REG4: variants seen among roughly 807,000 people sequenced by gnomAD.
The protein encoded by REG4 is regenerating islet-derived protein 4.
A neutral mutation model predicts 22.3 loss-of-function variants in REG4; 16 were observed. The observed-to-expected ratio is 0.72, with a 90% confidence interval of 0.49 to 1.09. REG4 has a LOEUF of 1.09. REG4 is among the 50% of genes least tolerant of loss of function. The probability of loss-of-function intolerance (pLI) is 0.00; values close to 1 mark genes in which losing one functional copy is unlikely to be tolerated. For missense variants in REG4, 214 were observed against 193.9 expected, an observed-to-expected ratio of 1.10 and a Z score of -0.61; for synonymous variants, 71 against 69.2, an observed-to-expected ratio of 1.03 and a Z score of -0.13.
At chr1:119,810,702 G>C (rs1258832769) in intron 1 of REG4, among the ~76,000 whole-genome samples, 1 of 152,168 alleles carries the variant, frequency 6.6e-6, no homozygotes, top group South Asian at 2.1e-4. Flanking sequence ...TTACTAATCT[G>C]TGAATAATTT....
intron 2 of REG4, among the ~76,000 whole-genome samples, chr1:119,807,091 G>A (rs952851435): frequency 2.0e-5 from 3 of 152,194 alleles, no homozygotes; most frequent in Admixed American, 6.5e-5. Flanking sequence ...CATAAATGAT[G>A]TTGCTCTATG....
chr1:119,807,218 G>C (rs1654348179), intron 2 of REG4, among the ~76,000 whole-genome samples: 1 of 152,220 alleles, frequency 6.6e-6, no homozygotes, highest in African/African-American at 2.4e-5. Flanking sequence ...GTCTCATTGA[G>C]AGAGAAAATT....
chr1:119,796,640 A>G (rs1653945705), intron 5 of REG4, among the ~76,000 whole-genome samples: 1 of 152,118 alleles, frequency 6.6e-6, no homozygotes. Context: ...TTTAAATTCT[A>G]CCTTCCACCA....
intron 5 of REG4, among the ~76,000 whole-genome samples, chr1:119,795,464 A>T (rs2101064901): frequency 6.6e-6 from 1 of 152,342 alleles, no homozygotes; most frequent in South Asian, 2.1e-4. Context: ...AGAGAGCCCA[A>T]GGCGGAGGTG....
intron 5 of REG4, among the ~76,000 whole-genome samples, chr1:119,795,002 T>C (rs1487244241): frequency 6.6e-6 from 1 of 152,154 alleles, no homozygotes; most frequent in East Asian, 1.9e-4. Context: ...CTCCAGACCG[T>C]CTTTGGACTC....
rs1653869107 is a variant in REG4, at chr1:119,794,451, C to G, written c.*167G>C. 3 of 691,478 alleles carry G rather than the reference C, an allele frequency of 4.3e-6. No homozygotes were observed. Among genetic ancestry groups the G allele is most frequent in the Non-Finnish European group, 5.2e-6 (2 of 382,382 alleles). The allele number at this position is 691,478 out of a possible 1,614,324, so 42.8% of individuals were successfully genotyped here. On this transcript the variant is annotated 3_prime_UTR_variant, in exon 6 of 6. Coordinates refer to ENST00000256585, the MANE Select transcript of REG4 (RefSeq NM_032044.4). ...TTAGAGCTAGAAGCCACTACTGGGC[C>G]AATGCTAAAGTTTCTGTCTCTAAGC...
chr1:119,797,143 G>T (rs1210310483), intron 5 of REG4, among the ~76,000 whole-genome samples: 2 of 152,060 alleles, frequency 1.3e-5, no homozygotes, highest in Non-Finnish European at 2.9e-5. Flanking sequence ...TGGTTATAAG[G>T]TTTCTCACTA....
intron 2 of REG4, among the ~76,000 whole-genome samples, chr1:119,807,804 C>G (rs1557764276): frequency 1.3e-5 from 2 of 152,206 alleles, no homozygotes; most frequent in Non-Finnish European, 2.9e-5. Context: ...GCCCAAAGAA[C>G]CTTGCTTCTC....
At position 119,794,602 on chromosome 1, in the gene REG4, A is replaced by G. The variant is rs1195735849; in HGVS notation, c.*16T>C. ...GACGGGGCTGTGCAGGAGTTAGCAG[A>G]ATCTTGATTCTTGCTCTATGGTCGG... On this transcript the variant is annotated 3_prime_UTR_variant, in exon 6 of 6. Transcript: ENST00000256585. The G allele has an allele frequency of 1.2e-6, 2 of 1,611,194 alleles. No individual in the cohort carries two copies. Among genetic ancestry groups the G allele is most frequent in the African/African-American group, 2.7e-5 (2 of 75,002 alleles).
At chr1:119,805,453 A>G (rs587632694) in intron 2 of REG4, among the ~76,000 whole-genome samples, 1 of 152,158 alleles carries the variant, frequency 6.6e-6, no homozygotes, top group South Asian at 2.1e-4. Flanking sequence ...GCCTTCCGTG[A>G]GCAAACATGT....
At chr1:119,796,004 C>T (rs190092420) in intron 5 of REG4, among the ~76,000 whole-genome samples, 11 of 152,358 alleles carry the variant, frequency 7.2e-5, no homozygotes, top group Non-Finnish European at 1.5e-5. Context: ...GCTTTTCCCA[C>T]CTCATCAGAG....
intron 4 of REG4, 103 bp downstream of exon 4, chr1:119,799,622 T>A (rs972807044): frequency 4.9e-6 from 7 of 1,439,072 alleles, no homozygotes; most frequent in African/African-American, 1.4e-5. Context: ...CTGGAGAAGA[T>A]CCACCCGCTG....
chr1:119,803,119 CT>C lies in REG4; in HGVS notation c.113del (p.Lys38SerfsTer11). ...TCCTGAAGTAACCATAGCAATTGGACTTGTGGTAAAACCATCCAGGAGCACA... is the reference window on the plus strand; with the variant it reads ...TCCTGAAGTAACCATAGCAATTGGACTGTGGTAAAACCATCCAGGAGCACA... ...PSCAPGWFYHKSNCYGYFRKL... is the reference protein window; with the variant it reads ...PSCAPGWFYHXSNCYGYFRKL... On this transcript the variant is annotated frameshift_variant, in exon 3 of 6. Coordinates refer to ENST00000256585, the MANE Select transcript of REG4 (RefSeq NM_032044.4). LOFTEE classifies it high-confidence loss of function. The C allele has an allele frequency of 6.5e-7, 1 of 1,545,324 alleles. No homozygotes were observed.
intron 5 of REG4, among the ~76,000 whole-genome samples, chr1:119,797,307 G>A (rs1024371269): frequency 6.6e-6 from 1 of 152,168 alleles, no homozygotes; most frequent in East Asian, 1.9e-4. Context: ...AACAGCAGCA[G>A]CTGTGCTCTC....
At chr1:119,806,391 G>A (rs1206208567) in intron 2 of REG4, among the ~76,000 whole-genome samples, 2 of 152,136 alleles carry the variant, frequency 1.3e-5, no homozygotes, top group Non-Finnish European at 2.9e-5. Context: ...CGTGTCCCAG[G>A]ATCCTACAGC....
intron 1 of REG4, among the ~76,000 whole-genome samples, chr1:119,810,163 T>C (rs1654454432): frequency 6.6e-6 from 1 of 152,144 alleles, no homozygotes; most frequent in South Asian, 2.1e-4. Context: ...TTTTTTATGT[T>C]TTTAAAAATA....
intron 4 of REG4, among the ~76,000 whole-genome samples, chr1:119,798,927 AAT>A (rs1392157744): frequency 6.6e-6 from 1 of 152,206 alleles, no homozygotes; most frequent in Non-Finnish European, 1.5e-5. Flanking sequence ...AATTGTATAA[AAT>A]ATTTGTAACA....
At chr1:119,807,330 T>G (rs587761973) in intron 2 of REG4, among the ~76,000 whole-genome samples, 2 of 152,216 alleles carry the variant, frequency 1.3e-5, no homozygotes, top group Admixed American at 1.3e-4. Context: ...ATAAGTAGAA[T>G]GTCCTTCTGC....
intron 5 of REG4, 53 bp from the exon 6 acceptor site, chr1:119,794,738 C>T (rs377464787): frequency 6.7e-6 from 10 of 1,496,760 alleles, no homozygotes; most frequent in Non-Finnish European, 9.3e-6. Flanking sequence ...ACTGAGCTTG[C>T]CAGAGTTATC....
Sources: allele counts gnomAD v4.1 joint callset (sites outside exome capture counted in the v4.1 genomes callset), GRCh38; gene constraint gnomAD v4.1.1; transcripts MANE v1.5; gene names NCBI Gene and HGNC (gene_info 2026-07-23, HGNC 2026-07-21).